Variants in PCGF6 observed in about 807,000 individuals in gnomAD.
PCGF6 encodes the protein polycomb group ring finger 6.
In PCGF6, 24 loss-of-function variants were observed where a neutral mutation model predicts 45.5. The observed-to-expected ratio is 0.53, with a 90% CI of 0.38 to 0.74. The LOEUF (loss-of-function observed/expected upper bound fraction) is 0.74. Among genes scored for constraint, PCGF6 ranks in the 30% least tolerant of loss-of-function variants. The pLI is 0.00. For missense variants in PCGF6, 356 were observed against 443.2 expected, an observed-to-expected ratio of 0.80 and a Z score of 1.77; for synonymous variants, 152 against 162.1, an observed-to-expected ratio of 0.94 and a Z score of 0.47.
intron 9 of PCGF6, among the ~76,000 whole-genome samples, chr10:103,312,800 A>G (rs1385258490): frequency 3.3e-5 from 5 of 152,108 alleles, no homozygotes. Flanking sequence ...TGTCTCTACT[A>G]AAAACACAAA....
At chr10:103,317,367 C>A (rs11191654) in intron 8 of PCGF6, among the ~76,000 whole-genome samples, 68,569 of 152,010 alleles carry the variant, frequency 0.45, 15,662 homozygotes, top group South Asian at 0.64. Flanking sequence ...GGGCTTTATA[C>A]CACGTGGTAT....
chr10:103,324,328 GAAAAA>G (rs35051041), intron 8 of PCGF6, among the ~76,000 whole-genome samples: 1 of 131,662 alleles, frequency 7.6e-6, no homozygotes. Flanking sequence ...TTTGACTAAT[GAAAAA>G]AAAAAAAAGA....
At chr10:103,339,810 AACACACACACACACACACAC>A (rs201660003) in intron 6 of PCGF6, among the ~76,000 whole-genome samples, 14 of 32,242 alleles carry the variant, frequency 4.3e-4, no homozygotes, top group African/African-American at 1.2e-3. Flanking sequence ...TCAAAAAAAA[AACACACACACACACACACAC>A]ACACACACAC....
chr10:103,315,580 A>G (rs2093171936), intron 8 of PCGF6, among the ~76,000 whole-genome samples: 1 of 152,082 alleles, frequency 6.6e-6, no homozygotes, highest in Admixed American at 6.6e-5. Flanking sequence ...AGGATGGTCT[A>G]GATCTCCTGA....
chr10:103,336,325 A>G (rs1460802074), intron 6 of PCGF6, among the ~76,000 whole-genome samples: 1 of 151,540 alleles, frequency 6.6e-6, no homozygotes, highest in Non-Finnish European at 1.5e-5. Context: ...TATAAATGAT[A>G]TATTATTTTA....
intron 9 of PCGF6, among the ~76,000 whole-genome samples, chr10:103,304,403 C>T (rs1045431630): frequency 1.3e-5 from 2 of 150,230 alleles, no homozygotes; most frequent in South Asian, 2.1e-4. Flanking sequence ...TACAGTGGTG[C>T]GATCTCTGCT....
intron 9 of PCGF6, among the ~76,000 whole-genome samples, chr10:103,309,775 A>T (rs185481928): frequency 3.8e-3 from 576 of 151,462 alleles, no homozygotes; most frequent in Non-Finnish European, 5.7e-3. Flanking sequence ...ACAAAAAATT[A>T]AAAAAAATAG....
At chr10:103,304,544 T>C (rs2093130947) in intron 9 of PCGF6, among the ~76,000 whole-genome samples, 1 of 152,148 alleles carries the variant, frequency 6.6e-6, no homozygotes. Flanking sequence ...TTTTGCCATG[T>C]TGGCCAGGCT....
chr10:103,330,538 C>G (rs938168661), intron 7 of PCGF6, among the ~76,000 whole-genome samples: 2 of 152,284 alleles, frequency 1.3e-5, no homozygotes, highest in Middle Eastern at 3.4e-3. Context: ...CCATTAAATT[C>G]ACCCTTTAAA....
intron 7 of PCGF6, among the ~76,000 whole-genome samples, chr10:103,328,016 T>A (rs1047631420): frequency 1.3e-5 from 2 of 152,074 alleles, no homozygotes; most frequent in African/African-American, 4.8e-5. Context: ...GATCACTATC[T>A]AGACACATGT....
At position 103,345,090 on chromosome 10, in the gene PCGF6, T is replaced by C. The variant is rs1473524515; in HGVS notation, c.716A>G (p.Lys239Arg). Reference protein sequence around the residue: ...PVPSSKGRSKKVLESVFRIPP... With the variant: ...PVPSSKGRSKRVLESVFRIPP... ...AATACGAAACACTGATTCTAGGACT[T>C]TTTTAGATCTTCCTTTGCTTGAAGG... Residue 239 changes from lysine to arginine, a missense_variant, in exon 6 of 10, where the codon AAA becomes AGA. Physicochemically the swap from Lys to Arg is conservative, Grantham distance 26 (BLOSUM62 2). Around this residue, in one of 2 missense-constraint regions of PCGF6, gnomAD observed 307 missense variants for 350.1 expected, o/e 0.88. Coordinates refer to ENST00000369847, the MANE Select transcript of PCGF6 (RefSeq NM_001011663.2). 2.5e-6 allele frequency: 4 copies of C among 1,613,338 alleles called. No homozygotes were observed. The South Asian group carries it at 3.3e-5, about 13-fold the overall frequency.
Position 103,350,960 on chromosome 10 carries a change from G to C in PCGF6, c.107C>G (p.Pro36Arg), listed in dbSNP as rs1351323818. The stretch of plus-strand genomic sequence containing the variant: ...TCCCTCCTCACCCGCTGCGGGTGCA[G>C]GGGTGAGGGCGGGCGGGGAGACAGG... ...PPPVSPPALT[P>R]APAAGEEGPA... The change falls in exon 1 of 10, where the codon CCT (proline) becomes CGT (arginine). Residue 36 changes from proline to arginine, a missense_variant. Pro to Arg is a moderately radical substitution (Grantham distance 103). Around this residue, in one of 2 missense-constraint regions of PCGF6, gnomAD observed 307 missense variants for 350.1 expected, o/e 0.88. Transcript: ENST00000369847. The C allele has an allele frequency of 6.8e-7, 1 of 1,465,446 alleles. No individual in the cohort carries two copies. Among genetic ancestry groups the C allele is most frequent in the Non-Finnish European group, 9.0e-7 (1 of 1,113,966 alleles). The allele number at this position is 1,465,446 out of a possible 1,614,324, so 90.8% of individuals were successfully genotyped here.
chr10:103,313,617 GAAA>G (rs59567810), intron 9 of PCGF6, among the ~76,000 whole-genome samples: 1 of 148,006 alleles, frequency 6.8e-6, no homozygotes, highest in Non-Finnish European at 1.5e-5. Flanking sequence ...GTAGCTGATA[GAAA>G]AAAAAAAATC....
chr10:103,328,599 C>T (rs2093227929), intron 7 of PCGF6, among the ~76,000 whole-genome samples: 1 of 152,158 alleles, frequency 6.6e-6, no homozygotes, highest in Non-Finnish European at 1.5e-5. Context: ...GCACCTGCTT[C>T]ATACAATTAT....
At chr10:103,326,882 T>C (rs1280093740) in intron 7 of PCGF6, among the ~76,000 whole-genome samples, 3 of 152,212 alleles carry the variant, frequency 2.0e-5, no homozygotes, top group African/African-American at 7.2e-5. Flanking sequence ...TGCTGGTTTA[T>C]TTTAATGTTT....
intron 8 of PCGF6, among the ~76,000 whole-genome samples, chr10:103,320,631 G>T (rs148810960): frequency 2.0e-5 from 3 of 152,040 alleles, no homozygotes; most frequent in African/African-American, 7.2e-5. Flanking sequence ...AGGTTGCGGT[G>T]AGCCGACATC....
intron 7 of PCGF6, among the ~76,000 whole-genome samples, chr10:103,332,747 G>A (rs1046695534): frequency 6.6e-6 from 1 of 152,086 alleles, no homozygotes; most frequent in African/African-American, 2.4e-5. Flanking sequence ...ACATGGCTAC[G>A]AGAATTTCCT....
chr10:103,311,447 CTTTT>C (rs764380692), intron 9 of PCGF6, among the ~76,000 whole-genome samples: 3 of 137,508 alleles, frequency 2.2e-5, no homozygotes, highest in African/African-American at 5.3e-5. Flanking sequence ...CGGCCTCTCT[CTTTT>C]TTTTTTTTTT....
intron 6 of PCGF6, among the ~76,000 whole-genome samples, chr10:103,344,326 C>T (rs12258092): frequency 0.45 from 67,883 of 150,372 alleles, 15,500 homozygotes; most frequent in South Asian, 0.64. Context: ...GACTGGAGTG[C>T]GGTGGCACGA....
Sources: gnomAD v4.1 joint callset for allele counts (sites outside exome capture counted in the v4.1 genomes callset) on GRCh38, gnomAD v4.1.1 for gene constraint, gnomAD v4.1.1 regional missense constraint, MANE v1.5 for transcripts, NCBI Gene and HGNC (gene_info 2026-07-23, HGNC 2026-07-21) for gene names.